The following FBXL17 variants were observed in gnomAD, a reference collection of about 807,000 sequenced individuals.
FBXL17 encodes the protein F-box and leucine rich repeat protein 17, also known as F-box/LRR-repeat protein 17.
In FBXL17, 22 loss-of-function variants were observed where a neutral mutation model predicts 66.2. That is an observed-to-expected ratio of 0.33 (90% CI 0.24 to 0.47). The LOEUF (loss-of-function observed/expected upper bound fraction) is 0.47, where lower values mean the gene tolerates loss of function less well. Ranked by LOEUF, FBXL17 falls within the 20% of genes least tolerant of loss-of-function variation. FBXL17 has a pLI of 1.00. For missense variants in FBXL17, 878 were observed against 948.2 expected (o/e 0.93, Z 0.97); for synonymous variants, 474 against 400.5 (o/e 1.18, Z -2.19).
At chr5:107,944,137 A>T (rs1751206518) in intron 7 of FBXL17, among the ~76,000 whole-genome samples, 1 of 152,198 alleles carries the variant, frequency 6.6e-6, no homozygotes. Flanking sequence ...CTCAACAGTG[A>T]GATCCTCCCT....
chr5:108,324,737 T>C (rs1759771832), intron 4 of FBXL17, among the ~76,000 whole-genome samples: 1 of 113,242 alleles, frequency 8.8e-6, no homozygotes, highest in Non-Finnish European at 1.9e-5. Context: ...TATATGTATA[T>C]ATATGTGTGT....
chr5:108,235,490 A>C (rs1001047347), intron 4 of FBXL17, among the ~76,000 whole-genome samples: 1 of 152,160 alleles, frequency 6.6e-6, no homozygotes, highest in Non-Finnish European at 1.5e-5. Context: ...GGATATTTGG[A>C]ATAACCTACA....
At chr5:108,012,166 T>C (rs527886914) in intron 7 of FBXL17, among the ~76,000 whole-genome samples, 1 of 152,200 alleles carries the variant, frequency 6.6e-6, no homozygotes, top group Non-Finnish European at 1.5e-5. Context: ...TCCTCATCTA[T>C]TGAAAATAGG....
chr5:108,187,595 G>A (rs1753289570), intron 5 of FBXL17, among the ~76,000 whole-genome samples: 3 of 152,194 alleles, frequency 2.0e-5, no homozygotes, highest in Non-Finnish European at 4.4e-5. Flanking sequence ...ATTGAGGAAG[G>A]GGCCAGGAGT....
intron 7 of FBXL17, among the ~76,000 whole-genome samples, chr5:108,018,416 TC>T (rs763066769): frequency 5.3e-5 from 8 of 152,166 alleles, no homozygotes; most frequent in Non-Finnish European, 1.2e-4. Context: ...CAATGAATAA[TC>T]TTTTTGCTGC....
chr5:108,211,126 T>C (rs1754351432), intron 5 of FBXL17, among the ~76,000 whole-genome samples: 1 of 152,246 alleles, frequency 6.6e-6, no homozygotes, highest in African/African-American at 2.4e-5. Flanking sequence ...GAGATTACTA[T>C]TGCAACTCCT....
chr5:108,361,250 C>T (rs938021439), intron 3 of FBXL17, among the ~76,000 whole-genome samples: 6 of 152,284 alleles, frequency 3.9e-5, no homozygotes, highest in Non-Finnish European at 5.9e-5. Flanking sequence ...CTACGCTTCA[C>T]TATTTTTGAT....
intron 6 of FBXL17, among the ~76,000 whole-genome samples, chr5:108,117,546 G>GT (rs1210793021): frequency 3.3e-5 from 5 of 152,136 alleles, no homozygotes; most frequent in African/African-American, 1.2e-4. Context: ...TTACAACACA[G>GT]TAACTATGAG....
At chr5:108,109,487 T>A (rs909883580) in intron 6 of FBXL17, among the ~76,000 whole-genome samples, 9 of 152,236 alleles carry the variant, frequency 5.9e-5, no homozygotes, top group African/African-American at 2.2e-4. Context: ...ATTGACTGAC[T>A]TTTTCATCAA....
chr5:107,917,661 C>T (rs756468695), intron 7 of FBXL17, among the ~76,000 whole-genome samples: 1 of 152,150 alleles, frequency 6.6e-6, no homozygotes, highest in Non-Finnish European at 1.5e-5. Context: ...AGTGCCAAGA[C>T]GGTTTAAGAT....
At chr5:108,192,741 G>T (rs1561456617) in intron 5 of FBXL17, among the ~76,000 whole-genome samples, 1 of 152,066 alleles carries the variant, frequency 6.6e-6, no homozygotes, top group Admixed American at 6.6e-5. Context: ...GCAGTGAGCC[G>T]AGATCGCACC....
intron 7 of FBXL17, among the ~76,000 whole-genome samples, chr5:108,006,855 G>C (rs9328028): frequency 0.29 from 44,632 of 152,044 alleles, 10,344 homozygotes; most frequent in African/African-American, 0.64. Context: ...CTATATGGTG[G>C]TTGAGAAATA....
At chr5:108,082,438 C>G (rs1294143987) in intron 6 of FBXL17, among the ~76,000 whole-genome samples, 1 of 152,164 alleles carries the variant, frequency 6.6e-6, no homozygotes, top group Non-Finnish European at 1.5e-5. Context: ...ACAGCTGACA[C>G]ATATCAAGTG....
chr5:108,067,049 A>T (rs1748141275), intron 6 of FBXL17, among the ~76,000 whole-genome samples: 1 of 152,120 alleles, frequency 6.6e-6, no homozygotes, highest in Non-Finnish European at 1.5e-5. Flanking sequence ...AGTACTATAT[A>T]AACCTGAATC....
intron 1 of FBXL17, among the ~76,000 whole-genome samples, chr5:108,370,534 C>T (rs911363620): frequency 2.6e-5 from 4 of 152,034 alleles, no homozygotes; most frequent in African/African-American, 7.2e-5. Flanking sequence ...CATGAGGTCA[C>T]GAGTACAAGA....
intron 8 of FBXL17, among the ~76,000 whole-genome samples, chr5:107,869,974 C>T (rs1458668673): frequency 3.9e-5 from 6 of 152,158 alleles, no homozygotes; most frequent in Non-Finnish European, 5.9e-5. Context: ...AAGCAAGATA[C>T]AAACAAGAAT....
chr5:107,992,092 G>GTA (rs1753274576), intron 7 of FBXL17, among the ~76,000 whole-genome samples: 1 of 58,314 alleles, frequency 1.7e-5, no homozygotes, highest in Non-Finnish European at 4.3e-5. Context: ...TATTAATTGT[G>GTA]TGTGTGTGTG....
At chr5:108,004,286 G>A (rs1191536195) in intron 7 of FBXL17, among the ~76,000 whole-genome samples, 1 of 152,068 alleles carries the variant, frequency 6.6e-6, no homozygotes, top group African/African-American at 2.4e-5. Context: ...ATACATTTCA[G>A]TTAACGAACA....
At chr5:108,289,509 C>T (rs1211018139) in intron 4 of FBXL17, among the ~76,000 whole-genome samples, 1 of 152,030 alleles carries the variant, frequency 6.6e-6, no homozygotes, top group Non-Finnish European at 1.5e-5. Context: ...TTTATTCATT[C>T]TACAGATTAT....
Sources: gnomAD v4.1 joint callset for allele counts (sites outside exome capture counted in the v4.1 genomes callset) on GRCh38, gnomAD v4.1.1 for gene constraint, MANE v1.5 for transcripts, NCBI Gene and HGNC (gene_info 2026-07-23, HGNC 2026-07-21) for gene names.